Variants in HEXB observed in about 807,000 individuals in gnomAD.
HEXB encodes hexosaminidase subunit beta.
HEXB carries 51 observed loss-of-function variants against 71.2 expected under a neutral mutation model. The observed-to-expected ratio is 0.72, with a 90% CI of 0.57 to 0.90. The LOEUF (loss-of-function observed/expected upper bound fraction) is 0.90, where lower values mean the gene tolerates loss of function less well. Ranked by LOEUF, HEXB falls within the 40% of genes least tolerant of loss-of-function variation. The pLI, the probability that HEXB is intolerant of heterozygous loss-of-function variation, is 0.00. For missense variants in HEXB, 617 were observed against 677.0 expected, an observed-to-expected ratio of 0.91 and a Z score of 0.98; for synonymous variants, 266 against 249.3, an observed-to-expected ratio of 1.07 and a Z score of -0.63.
At chr5:74,667,212 C>T (rs1216479390) in intron 1 of HEXB, among the ~76,000 whole-genome samples, 2 of 151,748 alleles carry the variant, frequency 1.3e-5, no homozygotes, top group Non-Finnish European at 2.9e-5. Context: ...GTCGGGAGTT[C>T]GAGACCAGCC....
chr5:74,661,549 GTGTGTGTGTGTGTGTC>G (rs1561204851), intron 1 of HEXB, among the ~76,000 whole-genome samples: 13 of 79,554 alleles, frequency 1.6e-4, no homozygotes, highest in Non-Finnish European at 2.3e-4. Context: ...GTGTGTGTGT[GTGTGTGTGTGTGTGTC>G]TCTCTCTCTC....
In HEXB at chr5:74,716,667, T is replaced by A. The variant is rs374403696; in HGVS notation, c.1163T>A (p.Ile388Asn). 1.3e-6 allele frequency: 2 copies of A among 1,587,936 alleles called. No homozygotes were observed. Among genetic ancestry groups the A allele is most frequent in the South Asian group, 2.2e-5 (2 of 90,074 alleles). ...TTTAAGAAACTAGAATCTTTCTACA[T>A]TCAAAAGTAAGTTGTTTGAAAGCCT... ...TDFKKLESFY[I>N]QKVLDIIATI... is the part of the protein sequence containing the mutation. The change falls in exon 9 of 14, where the codon ATT (isoleucine) becomes AAT (asparagine). Residue 388 changes from isoleucine to asparagine, a missense_variant. Coordinates refer to ENST00000261416, the MANE Select transcript of HEXB (RefSeq NM_000521.4).
rs573031561 is a variant in HEXB at position 74,652,324 on chromosome 5, G to A, written c.-377+11766G>A. The stretch of plus-strand genomic sequence containing the variant: ...TTAAATGGCAGAATCCAGACCCCTC[G>A]CTTTCTTTTTCAGAGCTGTGCTCTC... On this transcript the variant is annotated intron_variant, in intron 1 of 13. Coordinates refer to the HEXB transcript ENST00000511181. This position sits in a 1 kb window ranked among gnomAD's most constrained non-coding sequence, Gnocchi z 5.4. 1.1e-3 allele frequency among the ~76,000 whole-genome samples: 165 copies of A among 152,196 alleles called. No individual in the cohort carries two copies. The highest frequency in any genetic ancestry group is 3.7e-3 in the African/African-American group (154 of 41,516).
Position 74,652,683 on chromosome 5 carries a change from T to C in HEXB, c.-377+12125T>C, listed in dbSNP as rs1170663430. On this transcript the variant is annotated intron_variant, in intron 1 of 13. Coordinates refer to the HEXB transcript ENST00000511181. This position sits in a 1 kb window ranked among gnomAD's most constrained non-coding sequence, Gnocchi z 5.4. ...CACTACCCCCAGGATTGTGTCCAAG[T>C]TCCAAAGTGTTCTTGAGCAGCCAAA... 6.6e-6 allele frequency among the ~76,000 whole-genome samples: 1 copy of C among 152,104 alleles called. No individual in the cohort carries two copies. Among genetic ancestry groups the C allele is most frequent in the Non-Finnish European group, 1.5e-5 (1 of 68,018 alleles).
At chr5:74,645,029 C>T (rs1316879829) in intron 1 of HEXB, among the ~76,000 whole-genome samples, 1 of 152,086 alleles carries the variant, frequency 6.6e-6, no homozygotes, top group African/African-American at 2.4e-5. Context: ...ATGTCAGCCT[C>T]CCAAAGTGCT....
chr5:74,703,553 G>A (rs1331190939), intron 5 of HEXB, among the ~76,000 whole-genome samples: 1 of 152,138 alleles, frequency 6.6e-6, no homozygotes, highest in Non-Finnish European at 1.5e-5. Flanking sequence ...GAAAACGTGT[G>A]TACCTGTGTA....
upstream of HEXB, chr5:74,685,134 GC>G (rs201908786): frequency 2.4e-5 from 24 of 990,560 alleles, no homozygotes; most frequent in Non-Finnish European, 3.0e-5. Flanking sequence ...GGAGTCGGGG[GC>G]GGGCGCGCGC....
At position 74,641,122 on chromosome 5, in the gene HEXB, G is replaced by C. The variant is rs548601111; in HGVS notation, c.-377+564G>C. 6.6e-6 allele frequency: 1 copy of C among 152,484 alleles called. No homozygotes were observed. Among genetic ancestry groups the C allele is most frequent in the South Asian group, 2.1e-4 (1 of 4,830 alleles). The allele number at this position is 152,484 out of a possible 1,614,324, so 9.4% of individuals were successfully genotyped here. A position where few individuals can be genotyped will look rare whatever the true frequency, so the allele number is the denominator to read the frequency against. On this transcript the variant is annotated intron_variant, in intron 1 of 13. Transcript: ENST00000511181. The surrounding 1 kb of genome is among the most constrained non-coding windows in gnomAD (Gnocchi z 4.1). Reference sequence around the variant, plus strand: ...CCTTAGGGGAGCGCAGCCCGGGGCTGTGCGCTTGGTGATGCCAGAGCCCGC... The same window carrying C: ...CCTTAGGGGAGCGCAGCCCGGGGCTCTGCGCTTGGTGATGCCAGAGCCCGC...
At chr5:74,685,643 C>T in intron 1 of HEXB, 84 bp downstream of exon 1, 1 of 1,269,362 alleles carries the variant, frequency 7.9e-7, no homozygotes, top group Non-Finnish European at 1.1e-6. Flanking sequence ...ACCCTCACCA[C>T]CCCACTGCGC....
At chr5:74,703,206 G>A (rs1213232291) in intron 5 of HEXB, among the ~76,000 whole-genome samples, 1 of 152,212 alleles carries the variant, frequency 6.6e-6, no homozygotes, top group African/African-American at 2.4e-5. Flanking sequence ...ACCCAGCTTG[G>A]CCTCCCAAAG....
At chr5:74,644,512 G>C (rs1747964763) in intron 1 of HEXB, among the ~76,000 whole-genome samples, 1 of 152,022 alleles carries the variant, frequency 6.6e-6, no homozygotes, top group Non-Finnish European at 1.5e-5. Flanking sequence ...TTTTTAAAAA[G>C]AGAGAGAGAG....
chr5:74,675,859 A>G (rs1748621183), intron 1 of HEXB, among the ~76,000 whole-genome samples: 1 of 152,206 alleles, frequency 6.6e-6, no homozygotes, highest in Non-Finnish European at 1.5e-5. Flanking sequence ...CCAACACCTA[A>G]AGTTCTACTT....
At chr5:74,675,976 T>C (rs1460852422) in intron 1 of HEXB, among the ~76,000 whole-genome samples, 5 of 152,122 alleles carry the variant, frequency 3.3e-5, no homozygotes, top group African/African-American at 1.2e-4. Flanking sequence ...AAGACCTAGG[T>C]AGAGTATAAG....
chr5:74,654,004 A>G (rs532728572), intron 1 of HEXB, among the ~76,000 whole-genome samples: 38 of 152,200 alleles, frequency 2.5e-4, no homozygotes, highest in African/African-American at 7.9e-4. Flanking sequence ...CACTTATCCT[A>G]TGGACGCCAG....
At chr5:74,645,472 A>G (rs1017338267) in intron 1 of HEXB, among the ~76,000 whole-genome samples, 2 of 152,216 alleles carry the variant, frequency 1.3e-5, no homozygotes, top group South Asian at 4.1e-4. Context: ...GTTGTGTGAA[A>G]GTCTGTCTTT....
rs140627230 is a variant in HEXB at position 74,721,171 on chromosome 5, T to C, written c.1667T>C (p.Met556Thr). The C allele has an allele frequency of 1.5e-4, 240 of 1,612,534 alleles. No homozygotes were observed. The highest frequency in any genetic ancestry group is 1.6e-4 in the Middle Eastern group (1 of 6,074). ...LYAGYCNHEN[M>T] ...GCTGGATATTGTAACCATGAGAACA[T>C]GTAAAAAATGGAGGGGAAAAAGGCC... The change falls in exon 14 of 14, where the codon ATG becomes ACG. Residue 556 changes from methionine to threonine, a missense_variant. Met to Thr is a moderately conservative substitution (Grantham distance 81, BLOSUM62 -1). Coordinates refer to ENST00000261416, the MANE Select transcript of HEXB (RefSeq NM_000521.4).
At chr5:74,710,645 C>T (rs1749516965) in intron 6 of HEXB, among the ~76,000 whole-genome samples, 1 of 152,100 alleles carries the variant, frequency 6.6e-6, no homozygotes, top group Admixed American at 6.5e-5. Context: ...ACACCAATAA[C>T]AGACAAACAG....
chr5:74,645,663 T>A (rs1330234697), intron 1 of HEXB, among the ~76,000 whole-genome samples: 2 of 152,172 alleles, frequency 1.3e-5, no homozygotes, highest in East Asian at 3.8e-4. Context: ...CATATTTGAG[T>A]CACTTTCCTT....
intron 5 of HEXB, among the ~76,000 whole-genome samples, chr5:74,700,452 ATTAAT>A (rs1431905069): frequency 6.6e-6 from 1 of 151,718 alleles, no homozygotes; most frequent in African/African-American, 2.4e-5. Context: ...TTAAAATTTA[ATTAAT>A]TTAAATTTTT....
Sources: gnomAD v4.1 joint callset for allele counts (sites outside exome capture counted in the v4.1 genomes callset) on GRCh38, gnomAD v4.1.1 for gene constraint, Gnocchi (gnomAD v3.1) non-coding constraint, MANE v1.5 for transcripts, NCBI Gene and HGNC (gene_info 2026-07-23, HGNC 2026-07-21) for gene names.